Variants in RBPMS2 observed in about 807,000 individuals in gnomAD.
The protein encoded by RBPMS2 is RNA-binding protein with multiple splicing 2.
RBPMS2 carries 14 observed loss-of-function variants against 25.7 expected under a neutral mutation model. The ratio of observed to expected loss-of-function variants is 0.55; its 90% confidence interval spans 0.36 to 0.85. The LOEUF is 0.85. Among genes scored for constraint, RBPMS2 ranks in the 40% least tolerant of loss-of-function variants. The pLI, the probability that RBPMS2 is intolerant of heterozygous loss-of-function variation, is 0.01. For synonymous variants in RBPMS2, 127 were observed against 115.6 expected, an observed-to-expected ratio of 1.10 and a Z score of -0.63; for missense variants, 252 against 283.4, an observed-to-expected ratio of 0.89 and a Z score of 0.80.
intron 6 of RBPMS2, 71 bp downstream of exon 6, chr15:64,748,348 G>A (rs1009263531): frequency 5.3e-6 from 8 of 1,513,976 alleles, no homozygotes; most frequent in South Asian, 1.2e-5. Flanking sequence ...CGGCCAAGTG[G>A]CCAGGCACAT....
intron 2 of RBPMS2, among the ~76,000 whole-genome samples, chr15:64,751,267 C>T (rs984617988): frequency 6.8e-6 from 1 of 147,766 alleles, no homozygotes; most frequent in Non-Finnish European, 1.5e-5. Flanking sequence ...CAGGAGGCAG[C>T]GGTTGCAGTG....
intron 4 of RBPMS2, 129 bp from the exon 5 acceptor site, chr15:64,749,279 G>C (rs2083651640): frequency 7.4e-7 from 1 of 1,352,464 alleles, no homozygotes; most frequent in Non-Finnish European, 1.1e-6. Context: ...CTGAGGCAGA[G>C]GAAAGGCAGC....
Position 64,741,218 on chromosome 15 carries a change from T to C in RBPMS2, c.592A>G (p.Thr198Ala). 1 of 1,592,462 alleles carries C rather than the reference T, an allele frequency of 6.3e-7. No homozygotes were observed. Among genetic ancestry groups the C allele is most frequent in the Non-Finnish European group, 8.6e-7 (1 of 1,169,454 alleles). Residue 198 changes from threonine to alanine, a missense_variant, in exon 7 of 8, where the codon ACC becomes GCC. Thr to Ala is a moderately conservative substitution (Grantham distance 58). Coordinates refer to ENST00000300069, the MANE Select transcript of RBPMS2 (RefSeq NM_194272.3). ...AQVRWYPSSD[T>A]TQQGWKYRQF... Reference sequence around the variant, plus strand: ...CGGTACTTCCATCCTTGCTGGGTGGTGTCAGAGGAAGGGTACCAGCGCACC... The same window carrying C: ...CGGTACTTCCATCCTTGCTGGGTGGCGTCAGAGGAAGGGTACCAGCGCACC...
intron 1 of RBPMS2, among the ~76,000 whole-genome samples, chr15:64,770,380 T>C (rs2083884606): frequency 1.3e-5 from 2 of 152,198 alleles, no homozygotes; most frequent in East Asian, 1.9e-4. Flanking sequence ...ATTTATGAAA[T>C]GGTGATAATA....
At position 64,751,657 on chromosome 15, in the gene RBPMS2, G is replaced by C. The variant is rs138277410; in HGVS notation, c.88-19C>G. 255 of 1,609,886 alleles carry C rather than the reference G, an allele frequency of 1.6e-4. 5 individuals are homozygous for C. In the South Asian group the frequency reaches 2.8e-3, roughly 17 times the overall value. Reference sequence around the variant, plus strand: ...TCCGGACCTGGAGACAGAGACCAGTGATCAGGGCCAGGCTGCCCAAGACGG... The same window carrying C: ...TCCGGACCTGGAGACAGAGACCAGTCATCAGGGCCAGGCTGCCCAAGACGG... On this transcript the variant is annotated intron_variant, in intron 1 of 7. Transcript: ENST00000300069.
chr15:64,751,748 C>G, intron 1 of RBPMS2, 110 bp from the exon 2 acceptor site: 1 of 851,306 alleles, frequency 1.2e-6, no homozygotes, highest in Non-Finnish European at 1.9e-6. Context: ...TAGAGGAATT[C>G]AGCCTTTCCT....
intron 6 of RBPMS2, among the ~76,000 whole-genome samples, chr15:64,746,021 T>A (rs545267259): frequency 1.3e-5 from 2 of 152,304 alleles, no homozygotes; most frequent in Admixed American, 6.5e-5. Flanking sequence ...ACAGTGTCCA[T>A]ACTTCATTTA....
chr15:64,752,203 A>G (rs1055135816), intron 1 of RBPMS2, among the ~76,000 whole-genome samples: 1 of 152,068 alleles, frequency 6.6e-6, no homozygotes, highest in African/African-American at 2.4e-5. Flanking sequence ...CCCCCCAAAA[A>G]TGTACATGTA....
intron 1 of RBPMS2, among the ~76,000 whole-genome samples, chr15:64,766,578 C>T (rs1318039826): frequency 6.6e-6 from 1 of 151,408 alleles, no homozygotes; most frequent in Non-Finnish European, 1.5e-5. Context: ...CCAGGCTGGA[C>T]TGCATGACGC....
At chr15:64,746,366 A>G (rs2083618012) in intron 6 of RBPMS2, among the ~76,000 whole-genome samples, 1 of 152,366 alleles carries the variant, frequency 6.6e-6, no homozygotes, top group East Asian at 1.9e-4. Context: ...CCCAGACAAT[A>G]ATGATATTAA....
In RBPMS2 at chr15:64,743,197, A is replaced by G. The variant is rs114356068; in HGVS notation, c.568-1955T>C. Among the ~76,000 whole-genome samples, 504 of 152,340 alleles carry G rather than the reference A, an allele frequency of 3.3e-3. 1 individual carries two copies. The highest frequency in any genetic ancestry group is 0.012 in the African/African-American group (486 of 41,592). On this transcript the variant is annotated intron_variant, in intron 6 of 7. Coordinates refer to ENST00000300069, the MANE Select transcript of RBPMS2 (RefSeq NM_194272.3). The stretch of plus-strand genomic sequence containing the variant: ...GCCGGACAAGGGGAGAACATGGACG[A>G]CAGAATGGAAGGAGCTCAGGAGGCC...
At chr15:64,750,748 T>C (rs997449934) in intron 2 of RBPMS2, among the ~76,000 whole-genome samples, 3 of 152,208 alleles carry the variant, frequency 2.0e-5, no homozygotes, top group Non-Finnish European at 4.4e-5. Context: ...ATTTAAAGAT[T>C]CTTACTGTTA....
At chr15:64,761,163 A>C (rs1175877696) in intron 1 of RBPMS2, 1 of 152,188 alleles carries the variant, frequency 6.6e-6, no homozygotes, top group Non-Finnish European at 1.5e-5. Context: ...GTGCTTCAGC[A>C]GTCCCCTACC....
At chr15:64,752,324 G>A (rs1029847870) in intron 1 of RBPMS2, among the ~76,000 whole-genome samples, 7 of 152,034 alleles carry the variant, frequency 4.6e-5, no homozygotes, top group South Asian at 4.1e-4. Flanking sequence ...CAGTCTGGTC[G>A]AGGGGAGGAG....
intron 6 of RBPMS2, among the ~76,000 whole-genome samples, chr15:64,748,188 G>A (rs531224789): frequency 3.9e-5 from 6 of 152,162 alleles, no homozygotes; most frequent in Admixed American, 6.5e-5. Context: ...CCACAGCTGG[G>A]CTGCCTGGCA....
In RBPMS2 at chr15:64,775,258, C is replaced by T. The variant is rs1453221789; in HGVS notation, c.62G>A (p.Gly21Asp). ...GGSTGTGSGAGSGGALEEEVR... is the reference protein window; with the variant it reads ...GGSTGTGSGADSGGALEEEVR... ...CTCCTCCTCCAGGGCGCCGCCGGAG[C>T]CCGCGCCGGAGCCGGTGCCGGTGCT... The change falls in exon 1 of 8, where the codon GGC becomes GAC. Residue 21 changes from glycine to aspartate, a missense_variant. Physicochemically the swap from Gly to Asp is moderately conservative, Grantham distance 94. Transcript: ENST00000300069. 2 of 1,334,992 alleles carry T rather than the reference C, an allele frequency of 1.5e-6. No individual in the cohort carries two copies. Among genetic ancestry groups the T allele is most frequent in the Non-Finnish European group, 1.9e-6 (2 of 1,037,350 alleles). The allele number at this position is 1,334,992 out of a possible 1,614,324, so 82.7% of individuals were successfully genotyped here. A position where few individuals can be genotyped will look rare whatever the true frequency, so the allele number is the denominator to read the frequency against.
In RBPMS2 at chr15:64,740,495, G is replaced by A. The variant is rs759316618; in HGVS notation, c.*513C>T. ...GGAAGCGTGTGGGGCCACGGAACTT[G>A]GGCCTCCCTGAAGCGGGGTGGGTGC... On this transcript the variant is annotated 3_prime_UTR_variant, in exon 8 of 8. Transcript: ENST00000300069. 2 of 152,414 alleles carry A rather than the reference G, an allele frequency of 1.3e-5. No individual in the cohort carries two copies. The highest frequency in any genetic ancestry group is 2.9e-5 in the Non-Finnish European group (2 of 68,096). The allele number at this position is 152,414 out of a possible 1,614,324, so 9.4% of individuals were successfully genotyped here.
chr15:64,766,974 G>C (rs879288058), intron 1 of RBPMS2, among the ~76,000 whole-genome samples: 1 of 152,112 alleles, frequency 6.6e-6, no homozygotes, highest in Non-Finnish European at 1.5e-5. Context: ...AGTAGAGATG[G>C]GGTTTCACCA....
intron 5 of RBPMS2, 128 bp from the exon 6 acceptor site, chr15:64,748,695 G>GA: frequency 8.7e-7 from 1 of 1,152,208 alleles, no homozygotes; most frequent in Non-Finnish European, 1.2e-6. Context: ...AACCACAGAG[G>GA]ACCCCGAGAC....
Sources: gnomAD v4.1 joint callset for allele counts (sites outside exome capture counted in the v4.1 genomes callset) on GRCh38, gnomAD v4.1.1 for gene constraint, MANE v1.5 for transcripts, NCBI Gene and HGNC (gene_info 2026-07-23, HGNC 2026-07-21) for gene names.